CA10: variants seen among roughly 807,000 people sequenced by gnomAD.
CA10 encodes the protein carbonic anhydrase-related protein 10.
In CA10, 14 loss-of-function variants were observed where a neutral mutation model predicts 44.2. The ratio of observed to expected loss-of-function variants is 0.32; its 90% CI spans 0.21 to 0.50. The LOEUF is 0.50. CA10 is among the 20% of genes least tolerant of loss of function. The pLI, the probability that CA10 is intolerant of heterozygous loss-of-function variation, is 0.99. For synonymous variants in CA10, 159 were observed against 141.6 expected (o/e 1.12, Z -0.87); for missense variants, 350 against 409.7 (o/e 0.85, Z 1.26).
At position 51,712,549 on chromosome 17, in the gene CA10, T is replaced by C. The variant is rs1327037625; in HGVS notation, c.465+35084A>G. ...CCTCTGATAATAAAAATTTGCTCTGTAAAGATAAAGCAATACTAGAACTGT... is the reference window on the plus strand; with the variant it reads ...CCTCTGATAATAAAAATTTGCTCTGCAAAGATAAAGCAATACTAGAACTGT... On this transcript the variant is annotated intron_variant, in intron 4 of 8. Transcript: ENST00000451037. Among the ~76,000 whole-genome samples, 4 of 152,318 alleles carry C rather than the reference T, an allele frequency of 2.6e-5. No homozygotes were observed. In the East Asian group the frequency reaches 7.7e-4, roughly 29 times the overall value.
intron 4 of CA10, among the ~76,000 whole-genome samples, chr17:51,729,265 T>C (rs1027605580): frequency 3.3e-5 from 5 of 152,228 alleles, no homozygotes; most frequent in African/African-American, 9.6e-5. Flanking sequence ...TGTTCTCCTT[T>C]TTACGCTCAT....
chr17:51,877,459 T>G (rs1249770692), intron 3 of CA10, among the ~76,000 whole-genome samples: 1 of 152,202 alleles, frequency 6.6e-6, no homozygotes, highest in Non-Finnish European at 1.5e-5. Flanking sequence ...CTATTATAAC[T>G]ATTTACTCTT....
intron 2 of CA10, among the ~76,000 whole-genome samples, chr17:51,957,626 G>A (rs537667787): frequency 1.9e-3 from 282 of 152,088 alleles, no homozygotes; most frequent in Non-Finnish European, 2.8e-3. Flanking sequence ...TCCAAGTCCT[G>A]GTTTTCATAG....
intron 3 of CA10, among the ~76,000 whole-genome samples, chr17:51,917,458 T>G (rs141403036): frequency 1.5e-5 from 2 of 133,410 alleles, no homozygotes; most frequent in Admixed American, 1.5e-4. Context: ...GTTCTTGCAT[T>G]GTTATACAGA....
intron 4 of CA10, among the ~76,000 whole-genome samples, chr17:51,725,721 C>T (rs1029704433): frequency 6.6e-6 from 1 of 152,248 alleles, no homozygotes; most frequent in African/African-American, 2.4e-5. Context: ...ACCCATCCCA[C>T]ATGCTTGTTT....
chr17:51,946,685 C>T (rs558792908), intron 2 of CA10, among the ~76,000 whole-genome samples: 2 of 152,274 alleles, frequency 1.3e-5, no homozygotes, highest in South Asian at 2.1e-4. Context: ...TGAGGATTTT[C>T]CTCAATGCTC....
chr17:51,779,306 T>C (rs1238956822), intron 3 of CA10, among the ~76,000 whole-genome samples: 2 of 152,152 alleles, frequency 1.3e-5, no homozygotes, highest in African/African-American at 4.8e-5. Context: ...TGCAGATGAA[T>C]AGTGAATACT....
rs142995492 is a variant in CA10, at chr17:51,695,985, T to C, written c.466-42249A>G. 1.0e-3 allele frequency among the ~76,000 whole-genome samples: 158 copies of C among 152,352 alleles called. 1 individual carries two copies. Among genetic ancestry groups the C allele is most frequent in the Non-Finnish European group, 8.2e-4 (56 of 68,026 alleles). Reference sequence around the variant, plus strand: ...ATCACATCTATTGATTCATATATATTGAACCAACCTTGCATCCCAGGAAGG... The same window carrying C: ...ATCACATCTATTGATTCATATATATCGAACCAACCTTGCATCCCAGGAAGG... On this transcript the variant is annotated intron_variant, in intron 4 of 8. Coordinates refer to ENST00000451037, the MANE Select transcript of CA10 (RefSeq NM_020178.5).
At chr17:51,881,717 A>C (rs569896521) in intron 3 of CA10, among the ~76,000 whole-genome samples, 1 of 152,296 alleles carries the variant, frequency 6.6e-6, no homozygotes, top group East Asian at 1.9e-4. Flanking sequence ...ATGAGAGGGC[A>C]TTTTTCCCAT....
At chr17:51,946,176 T>G (rs1383003086) in intron 2 of CA10, among the ~76,000 whole-genome samples, 2 of 152,138 alleles carry the variant, frequency 1.3e-5, no homozygotes, top group African/African-American at 2.4e-5. Flanking sequence ...GAGATGTTAG[T>G]CAAAGGATAT....
At chr17:51,902,378 T>C (rs562085332) in intron 3 of CA10, among the ~76,000 whole-genome samples, 18 of 152,328 alleles carry the variant, frequency 1.2e-4, no homozygotes, top group African/African-American at 3.1e-4. Context: ...TCAGGTGTCA[T>C]GATGATTTAT....
intron 2 of CA10, among the ~76,000 whole-genome samples, chr17:51,961,424 A>C (rs1983888991): frequency 6.7e-6 from 1 of 149,504 alleles, no homozygotes; most frequent in South Asian, 2.3e-4. Flanking sequence ...AATTAAGCCA[A>C]AACCAAGCAA....
At chr17:51,897,634 GA>G (rs1241973372) in intron 3 of CA10, among the ~76,000 whole-genome samples, 2 of 152,070 alleles carry the variant, frequency 1.3e-5, no homozygotes, top group Non-Finnish European at 2.9e-5. Context: ...GAGTAGCATT[GA>G]ATCTATAAAT....
intron 3 of CA10, among the ~76,000 whole-genome samples, chr17:51,769,500 G>T (rs1056310521): frequency 1.3e-5 from 2 of 152,272 alleles, no homozygotes; most frequent in African/African-American, 4.8e-5. Context: ...GGGTGATGGG[G>T]AGTGGGTTAA....
chr17:51,807,364 G>C (rs1907176256), intron 3 of CA10, among the ~76,000 whole-genome samples: 1 of 152,164 alleles, frequency 6.6e-6, no homozygotes, highest in African/African-American at 2.4e-5. Flanking sequence ...CATTCTCAGA[G>C]TGAAAAGCCC....
intron 1 of CA10, among the ~76,000 whole-genome samples, chr17:52,096,384 G>A (rs1032900354): frequency 6.6e-6 from 1 of 152,112 alleles, no homozygotes; most frequent in East Asian, 1.9e-4. Flanking sequence ...AATGACCAAG[G>A]AACTTGAACC....
At chr17:52,047,914 T>C (rs1359627986) in intron 2 of CA10, among the ~76,000 whole-genome samples, 2 of 151,862 alleles carry the variant, frequency 1.3e-5, no homozygotes, top group Non-Finnish European at 2.9e-5. Flanking sequence ...TGAAACAATA[T>C]TATATTAGTA....
intron 3 of CA10, among the ~76,000 whole-genome samples, chr17:51,899,447 TTGA>T (rs1981216319): frequency 6.6e-6 from 1 of 152,122 alleles, no homozygotes; most frequent in Non-Finnish European, 1.5e-5. Flanking sequence ...TTTTTTGAAT[TTGA>T]TGATGATATT....
chr17:52,094,251 C>T (rs1480431621), intron 1 of CA10, among the ~76,000 whole-genome samples: 1 of 150,710 alleles, frequency 6.6e-6, no homozygotes, highest in East Asian at 1.9e-4. Flanking sequence ...AAGAAAACTG[C>T]ACATTCTGCA....
Sources: gnomAD v4.1 joint callset for allele counts (sites outside exome capture counted in the v4.1 genomes callset) on GRCh38, gnomAD v4.1.1 for gene constraint, MANE v1.5 for transcripts, NCBI Gene and HGNC (gene_info 2026-07-23, HGNC 2026-07-21) for gene names.